The following WNT2B variants were observed in gnomAD, a reference collection of about 807,000 sequenced individuals.
The protein encoded by WNT2B is protein Wnt-2b.
A neutral mutation model predicts 40.5 loss-of-function variants in WNT2B; 19 were observed. That is an observed-to-expected ratio of 0.47 (90% confidence interval 0.33 to 0.69). The LOEUF is 0.69. Ranked by LOEUF, WNT2B falls within the 30% of genes least tolerant of loss-of-function variation. The pLI, the probability that WNT2B is intolerant of heterozygous loss-of-function variation, is 0.02. For synonymous variants in WNT2B, 220 were observed against 211.9 expected, an observed-to-expected ratio of 1.04 and a Z score of -0.33; for missense variants, 467 against 556.4, an observed-to-expected ratio of 0.84 and a Z score of 1.62.
intron 4 of WNT2B, chr1:112,518,272 A>G (rs914404062): frequency 6.6e-6 from 1 of 152,222 alleles, no homozygotes; most frequent in Admixed American, 6.5e-5. Flanking sequence ...GGAACATGCA[A>G]TGCAGCAGAA....
In WNT2B at chr1:112,515,695, A is replaced by G. The variant is rs534595275; in HGVS notation, c.404-445A>G. 1.7e-4 allele frequency among the ~76,000 whole-genome samples: 26 copies of G among 152,336 alleles called. No homozygotes were observed. The highest frequency in any genetic ancestry group is 5.8e-4 in the African/African-American group (24 of 41,578). On this transcript the variant is annotated intron_variant, in intron 2 of 4. Coordinates refer to ENST00000369684, the MANE Select transcript of WNT2B (RefSeq NM_024494.3). The surrounding 1 kb of genome is among the most constrained non-coding windows in gnomAD (Gnocchi z 4.4). ...GAGCAAGCAGGCAAGGGAGGGTAGCATGGATCTCTAAACAGGCTGACCCCT... is the reference window on the plus strand; with the variant it reads ...GAGCAAGCAGGCAAGGGAGGGTAGCGTGGATCTCTAAACAGGCTGACCCCT...
intron 4 of WNT2B, among the ~76,000 whole-genome samples, chr1:112,519,874 T>TC (rs1553233355): frequency 1.8e-4 from 16 of 88,528 alleles, no homozygotes; most frequent in South Asian, 7.4e-4. Flanking sequence ...CCATGCTTCT[T>TC]TTTTTTTTTT....
chr1:112,513,485 T>C (rs932448527), intron 1 of WNT2B, among the ~76,000 whole-genome samples: 2 of 150,816 alleles, frequency 1.3e-5, no homozygotes, highest in South Asian at 2.1e-4. Flanking sequence ...TTGTGTTTGT[T>C]TGAGTTGGTG....
rs1459763044 is a variant in WNT2B at position 112,483,795 on chromosome 1, AAG to A, written c.-95+16210_-95+16211del. On this transcript the variant is annotated intron_variant, in intron 1 of 4. Coordinates refer to the WNT2B transcript ENST00000256640. ...ACTGAATAACAAAAAAAAAAAAAGA[AAG>A]AGAGAATAAATTTAAAAAATAAATA... is the stretch of plus-strand genomic sequence containing the variant. Among the ~76,000 whole-genome samples the A allele has an allele frequency of 6.0e-5, 9 of 149,934 alleles. No individual in the cohort carries two copies. The South Asian group carries it at 1.0e-3, about 17-fold the overall frequency.
At chr1:112,516,579 T>C (rs564905665) in intron 3 of WNT2B, among the ~76,000 whole-genome samples, 162 bp downstream of exon 3, 45 of 152,120 alleles carry the variant, frequency 3.0e-4, no homozygotes, top group South Asian at 8.3e-4. Flanking sequence ...CAAGGGAGCT[T>C]AGGAATGCCT....
chr1:112,517,520 A>T, intron 4 of WNT2B, 135 bp downstream of exon 4: 1 of 1,146,256 alleles, frequency 8.7e-7, no homozygotes. Flanking sequence ...CTCCACATGA[A>T]CACCTGGTCA....
intron 1 of WNT2B, among the ~76,000 whole-genome samples, chr1:112,476,982 G>A (rs998722929): frequency 6.6e-6 from 1 of 152,148 alleles, no homozygotes; most frequent in Non-Finnish European, 1.5e-5. Flanking sequence ...GTGCAACCAA[G>A]CATCAAATAC....
intron 4 of WNT2B, among the ~76,000 whole-genome samples, chr1:112,517,597 G>A (rs1652622111): frequency 6.6e-6 from 1 of 152,210 alleles, no homozygotes; most frequent in African/African-American, 2.4e-5. Flanking sequence ...AGCTCCTTGA[G>A]GCCTGAGGTC....
chr1:112,506,872 T>C (rs1179593365), upstream of WNT2B, among the ~76,000 whole-genome samples: 1 of 152,184 alleles, frequency 6.6e-6, no homozygotes, highest in African/African-American at 2.4e-5. Context: ...CTGTATTCAG[T>C]CCTCTCCAAC....
chr1:112,509,583 C>A lies in WNT2B; in HGVS notation c.182+139C>A. On this transcript the variant is annotated intron_variant, in intron 1 of 4. Transcript: ENST00000369684. The surrounding 1 kb of genome is among the most constrained non-coding windows in gnomAD (Gnocchi z 4.2). Reference sequence around the variant, plus strand: ...ATTCGGGCAGGACTGTCACTGAAATCTGAAGTCGCGGGGTGGCGGGAGGGT... The same window carrying A: ...ATTCGGGCAGGACTGTCACTGAAATATGAAGTCGCGGGGTGGCGGGAGGGT... 2 of 996,932 alleles carry A rather than the reference C, an allele frequency of 2.0e-6. No individual in the cohort carries two copies. The highest frequency in any genetic ancestry group is 2.7e-6 in the Non-Finnish European group (2 of 739,382). 61.8% of individuals were successfully genotyped at this position (996,932 alleles called of 1,614,324 possible).
At chr1:112,497,239 T>C (rs1651805660) in intron 1 of WNT2B, among the ~76,000 whole-genome samples, 1 of 152,192 alleles carries the variant, frequency 6.6e-6, no homozygotes, top group African/African-American at 2.4e-5. Flanking sequence ...CCACTAGGTA[T>C]TGCCTTCGTG....
At chr1:112,513,084 C>T (rs896974349) in intron 1 of WNT2B, among the ~76,000 whole-genome samples, 2 of 151,960 alleles carry the variant, frequency 1.3e-5, no homozygotes, top group South Asian at 4.2e-4. Flanking sequence ...TTATTGGTCT[C>T]TCATTCCCAT....
In WNT2B at chr1:112,517,339, C is replaced by T. The variant is rs372397139; in HGVS notation, c.900C>T (p.Val300=). The change falls in exon 4 of 5, where the codon GTC becomes GTT. Residue 300 remains valine, a synonymous_variant. Transcript: ENST00000369684. ...GYRRATRTDL[V]YFDNSPDYCV... ...GCCGTGCCACCCGGACTGATCTTGT[C>T]TACTTTGACAACTCTCCAGATTACT... The T allele has an allele frequency of 1.9e-6, 3 of 1,612,896 alleles. No homozygotes were observed. The African/African-American group carries it at 4.0e-5, about 22-fold the overall frequency.
At chr1:112,516,515 G>A in intron 3 of WNT2B, 98 bp downstream of exon 3, 1 of 1,471,630 alleles carries the variant, frequency 6.8e-7, no homozygotes, top group Non-Finnish European at 9.1e-7. Context: ...AAGAGCTGAA[G>A]GCTTCTGGGT....
In WNT2B at chr1:112,525,933, G is replaced by T. The variant is rs752916523; in HGVS notation, c.*5424G>T. On this transcript the variant is annotated 3_prime_UTR_variant, in exon 5 of 5. Coordinates refer to ENST00000369684, the MANE Select transcript of WNT2B (RefSeq NM_024494.3). ...TGTAATCCTCACAACAACCCTGTGA[G>T]GTAGGGGTTACTGTCACTTTACAGA... 3 of 1,587,594 alleles carry T rather than the reference G, an allele frequency of 1.9e-6. No homozygotes were observed. The highest frequency in any genetic ancestry group is 1.3e-5 in the African/African-American group (1 of 74,462).
rs1653294396 is a variant in WNT2B at position 112,525,867 on chromosome 1, T to C, written c.*5358T>C. ...GGGGTTTGCCTAGGAATAACAATAT[T>C]CATAAGAAGCTTTTTCATATGCAAA... On this transcript the variant is annotated 3_prime_UTR_variant, in exon 5 of 5. Coordinates refer to ENST00000369684, the MANE Select transcript of WNT2B (RefSeq NM_024494.3). 1 of 1,134,662 alleles carries C rather than the reference T, an allele frequency of 8.8e-7. No individual in the cohort carries two copies. The highest frequency in any genetic ancestry group is 1.2e-6 in the Non-Finnish European group (1 of 833,238). 70.3% of individuals were successfully genotyped at this position (1,134,662 alleles called of 1,614,324 possible). A position where few individuals can be genotyped will look rare whatever the true frequency, so the allele number is the denominator to read the frequency against.
chr1:112,490,973 T>C (rs529862620), intron 1 of WNT2B: 70 of 1,591,358 alleles, frequency 4.4e-5, no homozygotes, highest in Non-Finnish European at 5.6e-5. Flanking sequence ...ATAGCATTTA[T>C]TATGTTAAAT....
chr1:112,500,419 G>A (rs556098950), intron 1 of WNT2B, among the ~76,000 whole-genome samples: 16 of 151,926 alleles, frequency 1.1e-4, no homozygotes, highest in South Asian at 4.1e-4. Flanking sequence ...GGTTATTATC[G>A]CTAATAATAA....
At chr1:112,494,300 G>A (rs1043478390) in intron 1 of WNT2B, among the ~76,000 whole-genome samples, 2 of 150,856 alleles carry the variant, frequency 1.3e-5, no homozygotes, top group South Asian at 2.1e-4. Flanking sequence ...ACAGAGAGAC[G>A]ATCCGTTTCA....
Sources: gnomAD v4.1 joint callset for allele counts (sites outside exome capture counted in the v4.1 genomes callset) on GRCh38, gnomAD v4.1.1 for gene constraint, Gnocchi (gnomAD v3.1) non-coding constraint, MANE v1.5 for transcripts, NCBI Gene and HGNC (gene_info 2026-07-23, HGNC 2026-07-21) for gene names.